The following ARHGAP6 variants were observed in gnomAD, a reference collection of about 807,000 sequenced individuals.
ARHGAP6 encodes rho GTPase-activating protein 6.
A neutral mutation model predicts 55.7 loss-of-function variants in ARHGAP6; 16 were observed. The ratio of observed to expected loss-of-function variants is 0.29; its 90% CI spans 0.19 to 0.44. The LOEUF (loss-of-function observed/expected upper bound fraction) is 0.44. Among genes scored for constraint, ARHGAP6 ranks in the 20% least tolerant of loss-of-function variants. The probability of loss-of-function intolerance (pLI) is 1.00; values close to 1 mark genes in which losing one functional copy is unlikely to be tolerated. For synonymous variants in ARHGAP6, 382 were observed against 360.9 expected (o/e 1.06, Z -0.66); for missense variants, 698 against 808.9 (o/e 0.86, Z 1.66).
chrX:11,273,335 C>T (rs2047714525), intron 1 of ARHGAP6, among the ~76,000 whole-genome samples: 1 of 109,490 alleles, frequency 9.1e-6, no homozygotes, highest in Admixed American at 9.7e-5. Flanking sequence ...TTTTTCTTGA[C>T]TTCCATGCCA....
chrX:11,142,259 CT>C lies in ARHGAP6; in HGVS notation c.2230del (p.Ser744AlafsTer8). On this transcript the variant is annotated frameshift_variant, in exon 12 of 13. Coordinates refer to ENST00000337414, the MANE Select transcript of ARHGAP6 (RefSeq NM_013427.3). LOFTEE classifies it low-confidence loss of function (END_TRUNC). ...IWGTWHSTLK[S>X]GSKDPGMTGS... ...TGTCATTCCTGGGTCTTTGGATCCG[CT>C]TTTTAATGTTGAATGCCAAGTTCCC... 8.3e-7 allele frequency: 1 copy of C among 1,200,587 alleles called. No homozygotes were observed.
rs2051443758 is a variant in ARHGAP6, at chrX:11,566,567, G to GCTATCATTA, written c.588+97673_588+97674insTAATGATAG. On this transcript the variant is annotated intron_variant, in intron 1 of 12. Transcript: ENST00000337414. ...ACAGAAACTCACTTAAACTCTTCTG[G>GCTATCATTA]AACTTGGTTTTCTCTATCATTAAAC... is the stretch of plus-strand genomic sequence containing the variant. Among the ~76,000 whole-genome samples, 6 of 112,174 alleles carry GCTATCATTA rather than the reference G, an allele frequency of 5.3e-5. No individual in the cohort carries two copies. In the South Asian group the frequency reaches 1.9e-3, roughly 35 times the overall value.
chrX:11,265,407 A>C (rs767011543), intron 1 of ARHGAP6, among the ~76,000 whole-genome samples: 1 of 112,293 alleles, frequency 8.9e-6, no homozygotes, highest in African/African-American at 3.2e-5. Context: ...CTGTGCCCGA[A>C]TCTTTTACAG....
At chrX:11,427,935 G>A (rs906728151) in intron 1 of ARHGAP6, 12 of 376,122 alleles carry the variant, frequency 3.2e-5, no homozygotes, top group African/African-American at 3.0e-4. Flanking sequence ...TCCGGCGGCC[G>A]CCGCCGCTGA....
intron 1 of ARHGAP6, among the ~76,000 whole-genome samples, chrX:11,339,968 CTT>C (rs1457169872): frequency 8.9e-6 from 1 of 112,151 alleles, no homozygotes; most frequent in Non-Finnish European, 1.9e-5. Context: ...TAATTAAACA[CTT>C]AGTCCTGTTG....
intron 1 of ARHGAP6, among the ~76,000 whole-genome samples, chrX:11,439,635 T>C (rs1305747762): frequency 5.3e-5 from 6 of 112,569 alleles, no homozygotes; most frequent in African/African-American, 1.9e-4. Context: ...TCTATTAACA[T>C]AGTGATTATT....
chrX:11,161,006 T>C (rs1314767263), intron 9 of ARHGAP6, among the ~76,000 whole-genome samples: 1 of 112,642 alleles, frequency 8.9e-6, no homozygotes, highest in African/African-American at 3.2e-5. Context: ...ATCCATTTTG[T>C]TACAGAGTGA....
At chrX:11,321,598 T>C (rs2048433172) in intron 1 of ARHGAP6, among the ~76,000 whole-genome samples, 1 of 111,837 alleles carries the variant, frequency 8.9e-6, no homozygotes, top group Non-Finnish European at 1.9e-5. Context: ...AAATTCAATG[T>C]TATCCTATTA....
rs751332103 is a variant in ARHGAP6, at chrX:11,550,823, TA to T, written c.588+113417del. Reference sequence around the variant, plus strand: ...TACATATCATGAGAGGACAGTATATTATCTTGTCAAATTCTCCACTTTGTGG... The same window carrying T: ...TACATATCATGAGAGGACAGTATATTTCTTGTCAAATTCTCCACTTTGTGG... On this transcript the variant is annotated intron_variant, in intron 1 of 12. Transcript: ENST00000337414. Among the ~76,000 whole-genome samples, 3 of 112,031 alleles carry T rather than the reference TA, an allele frequency of 2.7e-5. No homozygotes were observed. In the Admixed American group the frequency reaches 2.8e-4, roughly 11 times the overall value.
intron 1 of ARHGAP6, among the ~76,000 whole-genome samples, chrX:11,522,481 A>T: frequency 9.0e-6 from 1 of 111,343 alleles, no homozygotes; most frequent in Non-Finnish European, 1.9e-5. Context: ...AAATCGATAG[A>T]CCGCTAGCAA....
chrX:11,609,752 G>T (rs1179829769), intron 1 of ARHGAP6, among the ~76,000 whole-genome samples: 4 of 112,097 alleles, frequency 3.6e-5, no homozygotes, highest in African/African-American at 1.3e-4. Context: ...AGATTGTGAG[G>T]ATCAGAGATA....
At chrX:11,612,969 T>C (rs947840099) in intron 1 of ARHGAP6, among the ~76,000 whole-genome samples, 3 of 112,904 alleles carry the variant, frequency 2.7e-5, no homozygotes, top group Non-Finnish European at 5.6e-5. Flanking sequence ...GTTTCCATTA[T>C]CTAAAATGCC....
At chrX:11,389,382 G>A (rs1016419047) in intron 1 of ARHGAP6, among the ~76,000 whole-genome samples, 1 of 112,167 alleles carries the variant, frequency 8.9e-6, no homozygotes, top group Admixed American at 9.5e-5. Context: ...AAACAAAAAA[G>A]CCTCTTACAG....
At chrX:11,299,627 A>G (rs1454018498) in intron 1 of ARHGAP6, among the ~76,000 whole-genome samples, 1 of 112,501 alleles carries the variant, frequency 8.9e-6, no homozygotes, top group African/African-American at 3.2e-5. Flanking sequence ...AATGAATGGG[A>G]ATAGTCAACA....
intron 1 of ARHGAP6, among the ~76,000 whole-genome samples, chrX:11,459,140 T>C (rs2050220438): frequency 9.0e-6 from 1 of 111,587 alleles, no homozygotes. Flanking sequence ...GGCTTTTTAA[T>C]TGAACTGAAC....
At chrX:11,182,190 G>C in intron 5 of ARHGAP6, 72 bp from the exon 6 acceptor site, 1 of 927,561 alleles carries the variant, frequency 1.1e-6, no homozygotes, top group South Asian at 2.1e-5. Flanking sequence ...AAAATACAGA[G>C]CAGAATGCCA....
At chrX:11,561,682 C>T (rs781593231) in intron 1 of ARHGAP6, among the ~76,000 whole-genome samples, 190 of 112,024 alleles carry the variant, frequency 1.7e-3, no homozygotes, top group Admixed American at 3.0e-3. Context: ...GGCTATGACC[C>T]CAAAGGAAAT....
At chrX:11,340,607 T>C (rs764228319) in intron 1 of ARHGAP6, among the ~76,000 whole-genome samples, 2 of 107,571 alleles carry the variant, frequency 1.9e-5, no homozygotes, top group African/African-American at 7.0e-5. Context: ...CGGGCGCCTG[T>C]AGTCCCAGCT....
chrX:11,555,849 T>G (rs1398167657), intron 1 of ARHGAP6, among the ~76,000 whole-genome samples: 1 of 111,265 alleles, frequency 9.0e-6, no homozygotes, highest in Non-Finnish European at 1.9e-5. Flanking sequence ...AACGTGCATG[T>G]GTTTGAAGAA....
Sources: allele counts gnomAD v4.1 joint callset (sites outside exome capture counted in the v4.1 genomes callset), GRCh38; gene constraint gnomAD v4.1.1; transcripts MANE v1.5; gene names NCBI Gene and HGNC (gene_info 2026-07-23, HGNC 2026-07-21).